GFRA1: variants seen among roughly 807,000 people sequenced by gnomAD.
GFRA1 encodes GDNF family receptor alpha 1, also known as GDNF family receptor alpha-1.
Under a neutral mutation model 51.6 loss-of-function variants are expected in GFRA1, and 16 were observed. That is an observed-to-expected ratio of 0.31 (90% confidence interval 0.21 to 0.47). The LOEUF (loss-of-function observed/expected upper bound fraction) is 0.47. Among genes scored for constraint, GFRA1 ranks in the 20% least tolerant of loss-of-function variants. GFRA1 has a pLI of 1.00. For synonymous variants in GFRA1, 270 were observed against 241.3 expected (o/e 1.12, Z -1.10); for missense variants, 530 against 594.3 (o/e 0.89, Z 1.13).
intron 5 of GFRA1, among the ~76,000 whole-genome samples, chr10:116,201,515 C>T (rs982386098): frequency 2.6e-5 from 4 of 152,108 alleles, no homozygotes; most frequent in African/African-American, 9.7e-5. Flanking sequence ...TCCTCCCGCC[C>T]CTCACTCCCC....
intron 5 of GFRA1, among the ~76,000 whole-genome samples, chr10:116,178,480 T>G (rs935514257): frequency 6.6e-6 from 1 of 152,204 alleles, no homozygotes; most frequent in African/African-American, 2.4e-5. Context: ...ACTCGGCGAG[T>G]GTACCACTTC....
intron 5 of GFRA1, among the ~76,000 whole-genome samples, chr10:116,177,343 T>C (rs772723701): frequency 6.6e-6 from 1 of 152,024 alleles, no homozygotes; most frequent in Non-Finnish European, 1.5e-5. Flanking sequence ...GGCAAAATAA[T>C]GAGGCCCTGG....
intron 5 of GFRA1, among the ~76,000 whole-genome samples, chr10:116,171,873 C>T (rs1961061552): frequency 6.6e-6 from 1 of 152,324 alleles, no homozygotes; most frequent in African/African-American, 2.4e-5. Flanking sequence ...TGAGAGGTCA[C>T]TCTGCTGGTA....
intron 5 of GFRA1, among the ~76,000 whole-genome samples, chr10:116,165,069 G>A (rs893985977): frequency 2.0e-5 from 3 of 152,098 alleles, no homozygotes; most frequent in South Asian, 2.1e-4. Context: ...TTCAGACTTT[G>A]TATTCTCTGG....
At chr10:116,140,446 G>C (rs1370063635) in intron 5 of GFRA1, among the ~76,000 whole-genome samples, 1 of 152,142 alleles carries the variant, frequency 6.6e-6, no homozygotes. Context: ...GTATAAGTGG[G>C]ACCATATTTA....
intron 6 of GFRA1, among the ~76,000 whole-genome samples, chr10:116,099,557 T>G (rs1472097275): frequency 6.6e-6 from 1 of 152,112 alleles, no homozygotes; most frequent in African/African-American, 2.4e-5. Flanking sequence ...CCCATCCCAC[T>G]AAAACATCCT....
At chr10:116,196,850 T>C (rs1184630135) in intron 5 of GFRA1, among the ~76,000 whole-genome samples, 1 of 138,440 alleles carries the variant, frequency 7.2e-6, no homozygotes, top group East Asian at 2.0e-4. Context: ...TATATATATT[T>C]TTTTTCCCTC....
chr10:116,077,154 G>A (rs1211819857), intron 9 of GFRA1, among the ~76,000 whole-genome samples: 1 of 152,202 alleles, frequency 6.6e-6, no homozygotes, highest in African/African-American at 2.4e-5. Flanking sequence ...TTTATCGCCT[G>A]TTTAAGCTGG....
At chr10:116,224,428 G>T (rs1966138319) in intron 4 of GFRA1, among the ~76,000 whole-genome samples, 1 of 152,178 alleles carries the variant, frequency 6.6e-6, no homozygotes, top group South Asian at 2.1e-4. Context: ...TAACCAAAAA[G>T]TGGAAATAAT....
intron 6 of GFRA1, among the ~76,000 whole-genome samples, chr10:116,119,332 T>G (rs1485028627): frequency 6.6e-6 from 1 of 152,156 alleles, no homozygotes; most frequent in Non-Finnish European, 1.5e-5. Flanking sequence ...AGGCAGCTCG[T>G]GCAGGTGGGG....
Position 116,125,426 on chromosome 10 carries a change from G to A in GFRA1, c.565C>T (p.Arg189Cys), listed in dbSNP as rs1378070060. Reference protein sequence around the residue: ...TTSVSNDVCNRRKCHKALRQF... With the variant: ...TTSVSNDVCNCRKCHKALRQF... ...CGGAGGGCCTTGTGGCACTTGCGGC[G>A]GTTGCAGACATCGTTGGACACGCTG... The change falls in exon 6 of 11, where the codon CGC becomes TGC. Residue 189 changes from arginine (R) to cysteine (C), a missense_variant. Transcript: ENST00000355422. 3 of 1,614,156 alleles carry A rather than the reference G, an allele frequency of 1.9e-6. No homozygotes were observed. Among genetic ancestry groups the A allele is most frequent in the Non-Finnish European group, 2.5e-6 (3 of 1,179,984 alleles).
At chr10:116,129,801 CAT>C (rs1958029621) in intron 5 of GFRA1, among the ~76,000 whole-genome samples, 1 of 151,914 alleles carries the variant, frequency 6.6e-6, no homozygotes. Flanking sequence ...ATTTATAAGG[CAT>C]ATGTGATTTT....
In GFRA1 at chr10:116,064,100, C is replaced by CA; in HGVS notation, c.*297dup. On this transcript the variant is annotated 3_prime_UTR_variant, in exon 11 of 11. Transcript: ENST00000355422. ...TGATGATCATCATCATGATCATCAT[C>CA]ATCATCGAAAACACAGCCCCAGTTT... 3.3e-6 allele frequency: 1 copy of CA among 300,416 alleles called. No individual in the cohort carries two copies. 18.6% of individuals were successfully genotyped at this position (300,416 alleles called of 1,614,324 possible). A position where few individuals can be genotyped will look rare whatever the true frequency, so the allele number is the denominator to read the frequency against.
chr10:116,102,515 T>C (rs188863436), intron 6 of GFRA1, among the ~76,000 whole-genome samples: 1 of 152,312 alleles, frequency 6.6e-6, no homozygotes, highest in East Asian at 1.9e-4. Flanking sequence ...AAGACATACC[T>C]GAGACTGGAT....
At chr10:116,180,129 C>A (rs1962065268) in intron 5 of GFRA1, among the ~76,000 whole-genome samples, 2 of 152,168 alleles carry the variant, frequency 1.3e-5, no homozygotes, top group African/African-American at 4.8e-5. Flanking sequence ...ATAATTAATT[C>A]AGATACCACC....
chr10:116,179,946 C>G (rs1321879635), intron 5 of GFRA1, among the ~76,000 whole-genome samples: 1 of 152,166 alleles, frequency 6.6e-6, no homozygotes, highest in Non-Finnish European at 1.5e-5. Flanking sequence ...GGAAATGAAA[C>G]AGGGATGCTT....
chr10:116,119,918 A>G (rs1011865826), intron 6 of GFRA1, among the ~76,000 whole-genome samples: 2 of 152,372 alleles, frequency 1.3e-5, no homozygotes, highest in South Asian at 2.1e-4. Flanking sequence ...GGTCACCCCC[A>G]GTGTGGCAAA....
chr10:116,199,450 A>C lies in GFRA1; in HGVS notation c.433+12181T>G, dbSNP rs559780534. Among the ~76,000 whole-genome samples the C allele has an allele frequency of 3.9e-5, 6 of 152,226 alleles. No individual in the cohort carries two copies. In the East Asian group the frequency reaches 1.2e-3, roughly 29 times the overall value. On this transcript the variant is annotated intron_variant, in intron 5 of 10. Transcript: ENST00000355422. ...TCTTTTTCCTCAACATTTTATTATAAAGTTTTCAAATATGTAGCAAAGTTG... is the reference window on the plus strand; with the variant it reads ...TCTTTTTCCTCAACATTTTATTATACAGTTTTCAAATATGTAGCAAAGTTG...
intron 4 of GFRA1, among the ~76,000 whole-genome samples, chr10:116,238,244 A>G (rs531224325): frequency 1.3e-5 from 2 of 152,226 alleles, no homozygotes; most frequent in South Asian, 4.1e-4. Context: ...GTGTCTTTCA[A>G]TGTGGCAGGC....
Sources: gnomAD v4.1 joint callset for allele counts (sites outside exome capture counted in the v4.1 genomes callset) on GRCh38, gnomAD v4.1.1 for gene constraint, MANE v1.5 for transcripts, NCBI Gene and HGNC (gene_info 2026-07-23, HGNC 2026-07-21) for gene names.